Variants in ARNT2 observed in about 807,000 individuals in gnomAD.
ARNT2 encodes aryl hydrocarbon receptor nuclear translocator 2, also known as ARNT protein 2.
ARNT2 carries 36 observed loss-of-function variants against 91.7 expected under a neutral mutation model. That is an observed-to-expected ratio of 0.39 (90% CI 0.30 to 0.52). The LOEUF (loss-of-function observed/expected upper bound fraction) is 0.52, where lower values mean the gene tolerates loss of function less well. ARNT2 is among the 20% of genes least tolerant of loss of function. ARNT2 has a pLI of 0.72. For missense variants in ARNT2, 775 were observed against 939.3 expected, an observed-to-expected ratio of 0.83 and a Z score of 2.29; for synonymous variants, 365 against 347.1, an observed-to-expected ratio of 1.05 and a Z score of -0.57.
chr15:80,518,569 G>A (rs918568071), intron 8 of ARNT2, among the ~76,000 whole-genome samples: 1 of 151,988 alleles, frequency 6.6e-6, no homozygotes, highest in African/African-American at 2.4e-5. Context: ...AGGAACCATG[G>A]CTCCTGGCTC....
In ARNT2 at chr15:80,486,989, C is replaced by T. The variant is rs2141408250; in HGVS notation, c.622+11766C>T. 2.0e-5 allele frequency among the ~76,000 whole-genome samples: 3 copies of T among 152,244 alleles called. 1 individual carries two copies. Among genetic ancestry groups the T allele is most frequent in the Middle Eastern group, 3.4e-3 (1 of 294 alleles). On this transcript the variant is annotated intron_variant, in intron 5 of 18. Transcript: ENST00000303329. ...TCCAGATGGGGCTACTGATGCTCAC[C>T]ACTCATCCATCTGGAGTAGGCTGAA...
chr15:80,570,690 T>C (rs1171694131), intron 12 of ARNT2, among the ~76,000 whole-genome samples: 1 of 152,196 alleles, frequency 6.6e-6, no homozygotes, highest in Non-Finnish European at 1.5e-5. Context: ...GGAGGCAGAC[T>C]GTACCCTTGG....
At chr15:80,451,104 G>C in intron 2 of ARNT2, 110 bp downstream of exon 2, 1 of 1,081,004 alleles carries the variant, frequency 9.3e-7, no homozygotes, top group Non-Finnish European at 1.3e-6. Flanking sequence ...AAGCTCAGCA[G>C]TTTGCATCCT....
intron 5 of ARNT2, among the ~76,000 whole-genome samples, chr15:80,476,013 C>T (rs1896798239): frequency 6.6e-6 from 1 of 152,148 alleles, no homozygotes; most frequent in African/African-American, 2.4e-5. Context: ...GAACAACACT[C>T]AATAATTTGT....
intron 8 of ARNT2, among the ~76,000 whole-genome samples, chr15:80,540,067 A>G (rs1420950553): frequency 6.6e-6 from 1 of 152,122 alleles, no homozygotes; most frequent in Admixed American, 6.6e-5. Flanking sequence ...AAATCAATAT[A>G]TCAAAGAGAT....
chr15:80,416,658 A>G (rs1895790106), intron 1 of ARNT2, among the ~76,000 whole-genome samples: 2 of 151,784 alleles, frequency 1.3e-5, no homozygotes, highest in South Asian at 2.1e-4. Context: ...TTCTTTCATT[A>G]CCTTAACATT....
At chr15:80,488,416 G>A (rs1054158067) in intron 5 of ARNT2, 8 of 152,088 alleles carry the variant, frequency 5.3e-5, no homozygotes, top group African/African-American at 2.4e-5. Context: ...TTCGTATTAT[G>A]GCTTTTCTTG....
intron 1 of ARNT2, among the ~76,000 whole-genome samples, chr15:80,426,623 A>G (rs533466325): frequency 5.3e-5 from 8 of 152,170 alleles, no homozygotes; most frequent in Non-Finnish European, 1.0e-4. Flanking sequence ...GGAGTCCATG[A>G]AGAGGAAAGG....
chr15:80,537,782 A>G (rs964857238), intron 8 of ARNT2, among the ~76,000 whole-genome samples: 7 of 152,240 alleles, frequency 4.6e-5, no homozygotes, highest in African/African-American at 1.7e-4. Flanking sequence ...CCCTGGCAGG[A>G]GGGGTTGCAG....
At chr15:80,476,663 A>G (rs1452723604) in intron 5 of ARNT2, among the ~76,000 whole-genome samples, 1 of 152,186 alleles carries the variant, frequency 6.6e-6, no homozygotes, top group Non-Finnish European at 1.5e-5. Flanking sequence ...TGTGTTGTTT[A>G]TTGTGGTCAG....
At chr15:80,513,285 G>A (rs1210415283) in intron 6 of ARNT2, among the ~76,000 whole-genome samples, 1 of 152,160 alleles carries the variant, frequency 6.6e-6, no homozygotes, top group African/African-American at 2.4e-5. Context: ...ACAGTGTGAT[G>A]CCACCATCCC....
At chr15:80,424,979 G>A (rs1390279272) in intron 1 of ARNT2, among the ~76,000 whole-genome samples, 1 of 152,198 alleles carries the variant, frequency 6.6e-6, no homozygotes, top group East Asian at 1.9e-4. Context: ...AGCAAAAGGG[G>A]TTGAAGTTGA....
At chr15:80,481,889 A>G (rs1255073505) in intron 5 of ARNT2, among the ~76,000 whole-genome samples, 2 of 152,056 alleles carry the variant, frequency 1.3e-5, no homozygotes, top group Non-Finnish European at 2.9e-5. Flanking sequence ...GTACACCATC[A>G]TGCCTGGCTC....
chr15:80,578,443 C>G (rs1363017693), intron 15 of ARNT2, among the ~76,000 whole-genome samples: 1 of 151,804 alleles, frequency 6.6e-6, no homozygotes, highest in Non-Finnish European at 1.5e-5. Context: ...CACACAGGCT[C>G]TGCACCTCAC....
chr15:80,457,884 T>A lies in ARNT2; in HGVS notation c.147-45T>A, dbSNP rs930472429. ...CAGCAGCTCCTGTTACCAGTTAAAATGTTCTCCTAATAATCAGTGCTCACT... is the reference window on the plus strand; with the variant it reads ...CAGCAGCTCCTGTTACCAGTTAAAAAGTTCTCCTAATAATCAGTGCTCACT... On this transcript the variant is annotated intron_variant, in intron 2 of 18. Transcript: ENST00000303329. The A allele has an allele frequency of 1.2e-5, 20 of 1,605,472 alleles. 1 individual carries two copies.
At chr15:80,474,188 C>T (rs1896769145) in intron 4 of ARNT2, among the ~76,000 whole-genome samples, 1 of 152,144 alleles carries the variant, frequency 6.6e-6, no homozygotes, top group Non-Finnish European at 1.5e-5. Context: ...TTAATTTTGC[C>T]CCATCCACGT....
At chr15:80,427,617 C>T (rs922456596) in intron 1 of ARNT2, among the ~76,000 whole-genome samples, 3 of 152,104 alleles carry the variant, frequency 2.0e-5, no homozygotes, top group African/African-American at 7.2e-5. Flanking sequence ...TACACCTATG[C>T]CAAGAAGTCG....
chr15:80,513,052 T>A (rs548904091), intron 6 of ARNT2, among the ~76,000 whole-genome samples: 5 of 152,356 alleles, frequency 3.3e-5, no homozygotes, highest in African/African-American at 1.2e-4. Flanking sequence ...CTGGCAGCTG[T>A]CTAAGGTCTC....
chr15:80,423,658 A>C (rs1895892527), intron 1 of ARNT2, among the ~76,000 whole-genome samples: 1 of 152,160 alleles, frequency 6.6e-6, no homozygotes. Context: ...TGAGTTTGCT[A>C]ATTCCCATCC....
Sources: gnomAD v4.1 joint callset for allele counts (sites outside exome capture counted in the v4.1 genomes callset) on GRCh38, gnomAD v4.1.1 for gene constraint, MANE v1.5 for transcripts, NCBI Gene and HGNC (gene_info 2026-07-23, HGNC 2026-07-21) for gene names.